The following USH2A variants were observed in gnomAD, a reference collection of about 807,000 sequenced individuals.
USH2A encodes Usher syndrome 2A (autosomal recessive, mild).
Under a neutral mutation model 538.9 loss-of-function variants are expected in USH2A, and 443 were observed. The observed-to-expected ratio is 0.82, with a 90% confidence interval of 0.76 to 0.89. USH2A has a LOEUF of 0.89. USH2A is among the 40% of genes least tolerant of loss of function. The pLI is 0.00. For synonymous variants in USH2A, 2,413 were observed against 2,273.5 expected, an observed-to-expected ratio of 1.06 and a Z score of -1.75; for missense variants, 6,633 against 6,324.8, an observed-to-expected ratio of 1.05 and a Z score of -1.65.
chr1:216,348,867 A>G (rs535086125), intron 4 of USH2A, among the ~76,000 whole-genome samples: 5 of 152,238 alleles, frequency 3.3e-5, no homozygotes, highest in South Asian at 2.1e-4. Flanking sequence ...ACTATTCAAA[A>G]AAAACCAAAA....
Position 215,683,612 on chromosome 1 carries a change from T to A in USH2A, c.12067-3236A>T, listed in dbSNP as rs547015922. The stretch of plus-strand genomic sequence containing the variant: ...GATGTTTTGGATTCAGTTCCTTCCT[T>A]TGGAGATGTAGCGTTCTGTCTTACT... On this transcript the variant is annotated intron_variant, in intron 61 of 71. Coordinates refer to ENST00000307340, the MANE Select transcript of USH2A (RefSeq NM_206933.4). Among the ~76,000 whole-genome samples, 6 of 152,332 alleles carry A rather than the reference T, an allele frequency of 3.9e-5. No homozygotes were observed. In the South Asian group the frequency reaches 1.2e-3, roughly 32 times the overall value.
At chr1:215,812,440 G>A (rs1662723091) in intron 49 of USH2A, among the ~76,000 whole-genome samples, 1 of 152,168 alleles carries the variant, frequency 6.6e-6, no homozygotes, top group African/African-American at 2.4e-5. Context: ...GAACCCATCA[G>A]GTGATTGCAC....
At chr1:216,238,503 T>C (rs1187774959) in intron 13 of USH2A, among the ~76,000 whole-genome samples, 1 of 152,184 alleles carries the variant, frequency 6.6e-6, no homozygotes, top group Admixed American at 6.5e-5. Flanking sequence ...TCCAAATAAT[T>C]TTAAATTAAA....
rs574571435 is a variant in USH2A at position 216,252,694 on chromosome 1, T to C, written c.1972-1596A>G. ...AATGAACCTCAATATCAAAGATGCA[T>C]ATAGGTTTAGAAAGATGAGTGAGAA... On this transcript the variant is annotated intron_variant, in intron 11 of 71. Coordinates refer to ENST00000307340, the MANE Select transcript of USH2A (RefSeq NM_206933.4). 6.8e-4 allele frequency among the ~76,000 whole-genome samples: 103 copies of C among 152,290 alleles called. 2 individuals carry two copies. Among genetic ancestry groups the C allele is most frequent in the African/African-American group, 2.2e-3 (93 of 41,570 alleles).
chr1:216,216,410 C>A (rs1030558002), intron 15 of USH2A, among the ~76,000 whole-genome samples: 1 of 152,002 alleles, frequency 6.6e-6, no homozygotes, highest in African/African-American at 2.4e-5. Flanking sequence ...GTTGTGGAGT[C>A]CAATATCCCA....
chr1:216,229,831 G>C (rs929685073), intron 14 of USH2A, among the ~76,000 whole-genome samples: 1 of 152,126 alleles, frequency 6.6e-6, no homozygotes, highest in African/African-American at 2.4e-5. Flanking sequence ...AAGTAAGGTG[G>C]GGAGTGAGAG....
At chr1:216,023,089 C>G (rs907614506) in intron 32 of USH2A, among the ~76,000 whole-genome samples, 18 of 152,162 alleles carry the variant, frequency 1.2e-4, no homozygotes, top group African/African-American at 3.6e-4. Flanking sequence ...GGCAATGAGG[C>G]AGTGAAATAC....
At chr1:215,988,380 C>T (rs1011802288) in intron 35 of USH2A, among the ~76,000 whole-genome samples, 4 of 152,062 alleles carry the variant, frequency 2.6e-5, no homozygotes, top group Admixed American at 2.6e-4. Flanking sequence ...TTTTTAAGGC[C>T]GAGTGATATG....
At chr1:215,632,353 CT>C (rs1656309848) in intron 70 of USH2A, among the ~76,000 whole-genome samples, 1 of 152,178 alleles carries the variant, frequency 6.6e-6, no homozygotes, top group East Asian at 1.9e-4. Context: ...CAAAACGAAG[CT>C]TAACAAGACT....
Position 216,251,477 on chromosome 1 carries a change from G to A in USH2A, c.1972-379C>T, listed in dbSNP as rs567403166. On this transcript the variant is annotated intron_variant, in intron 11 of 71. Transcript: ENST00000307340. ...TTTTTTTTTTTTTTTTTGAGATGGA[G>A]TCTCGCTCTGTCACCCAGGCTGGAG... is the stretch of plus-strand genomic sequence containing the variant. 6.0e-5 allele frequency among the ~76,000 whole-genome samples: 7 copies of A among 116,396 alleles called. 1 individual carries two copies. In the South Asian group the frequency reaches 2.2e-3, roughly 36 times the overall value. The allele number at this position is 116,396 out of a possible 152,430, so 76.4% of individuals were successfully genotyped here. A position where few individuals can be genotyped will look rare whatever the true frequency, so the allele number is the denominator to read the frequency against.
chr1:216,316,013 C>T (rs1571693292), intron 9 of USH2A, among the ~76,000 whole-genome samples: 1 of 151,770 alleles, frequency 6.6e-6, no homozygotes, highest in South Asian at 2.1e-4. Flanking sequence ...GAAAGAAATG[C>T]GACAAGTATT....
intron 21 of USH2A, among the ~76,000 whole-genome samples, chr1:216,166,051 T>C (rs2034162047): frequency 6.6e-6 from 1 of 152,174 alleles, no homozygotes; most frequent in Admixed American, 6.6e-5. Flanking sequence ...CAACCTGTCT[T>C]AATAGAATGC....
intron 15 of USH2A, 133 bp from the exon 16 acceptor site, chr1:216,207,564 G>T: frequency 8.7e-7 from 1 of 1,146,540 alleles, no homozygotes. Context: ...GGTTTACCAA[G>T]ACATTAATAA....
At chr1:215,777,466 T>C (rs1318785717) in intron 55 of USH2A, among the ~76,000 whole-genome samples, 1 of 152,204 alleles carries the variant, frequency 6.6e-6, no homozygotes, top group Admixed American at 6.5e-5. Context: ...AAGAAGAAAT[T>C]TCTTTAGCCT....
intron 30 of USH2A, among the ~76,000 whole-genome samples, chr1:216,066,192 C>T (rs184622114): frequency 6.5e-4 from 99 of 151,662 alleles, no homozygotes; most frequent in Admixed American, 2.1e-3. Flanking sequence ...CTATCCTGGC[C>T]GGGCACTGTG....
At chr1:216,330,373 G>T (rs1266462203) in intron 4 of USH2A, among the ~76,000 whole-genome samples, 2 of 152,060 alleles carry the variant, frequency 1.3e-5, no homozygotes, top group Admixed American at 6.6e-5. Context: ...AGCATGGCTA[G>T]ATTTTAGTGG....
At position 215,838,201 on chromosome 1, in the gene USH2A, T is replaced by C. The variant is rs1314304968; in HGVS notation, c.9259-98A>G. Reference sequence around the variant, plus strand: ...CCTTCCCTCATTTCACATGAATCTCTTGTATTTCTCTATAGCCTCTTGAGG... The same window carrying C: ...CCTTCCCTCATTTCACATGAATCTCCTGTATTTCTCTATAGCCTCTTGAGG... On this transcript the variant is annotated intron_variant, in intron 46 of 71. Transcript: ENST00000307340. 6.2e-5 allele frequency: 60 copies of C among 971,240 alleles called. No homozygotes were observed. In the South Asian group the frequency reaches 7.7e-4, roughly 12 times the overall value. 60.2% of individuals were successfully genotyped at this position (971,240 alleles called of 1,614,324 possible).
intron 65 of USH2A, among the ~76,000 whole-genome samples, chr1:215,649,128 A>G (rs1224400830): frequency 6.6e-6 from 1 of 152,184 alleles, no homozygotes; most frequent in Admixed American, 6.5e-5. Flanking sequence ...TTTTCAAAAA[A>G]CAAAATCTGC....
chr1:216,336,705 G>C lies in USH2A; in HGVS notation c.785-9051C>G, dbSNP rs58293067. Among the ~76,000 whole-genome samples, 566 of 151,418 alleles carry C rather than the reference G, an allele frequency of 3.7e-3. 2 individuals are homozygous for C. The highest frequency in any genetic ancestry group is 0.013 in the African/African-American group (540 of 41,456). On this transcript the variant is annotated intron_variant, in intron 4 of 71. Transcript: ENST00000307340. Reference sequence around the variant, plus strand: ...TTTCCAAGAACGGTCCTGGAATATTGGATATCTTATGTTTTTTAAAGCACC... The same window carrying C: ...TTTCCAAGAACGGTCCTGGAATATTCGATATCTTATGTTTTTTAAAGCACC...
Sources: allele counts gnomAD v4.1 joint callset (sites outside exome capture counted in the v4.1 genomes callset), GRCh38; gene constraint gnomAD v4.1.1; transcripts MANE v1.5; gene names NCBI Gene and HGNC (gene_info 2026-07-23, HGNC 2026-07-21).